The following PCDH15 variants were observed in gnomAD, a reference collection of about 807,000 sequenced individuals.
The protein encoded by PCDH15 is protocadherin-15.
Under a neutral mutation model 178.5 loss-of-function variants are expected in PCDH15, and 129 were observed. That is an observed-to-expected ratio of 0.72 (90% CI 0.63 to 0.84). The LOEUF (loss-of-function observed/expected upper bound fraction) is 0.84. PCDH15 is among the 40% of genes least tolerant of loss of function. The pLI is 0.00. For synonymous variants in PCDH15, 800 were observed against 732.0 expected (o/e 1.09, Z -1.50); for missense variants, 2,230 against 2,099.9 (o/e 1.06, Z -1.21).
chr10:53,805,189 G>A lies in PCDH15; in HGVS notation c.*1390C>T, dbSNP rs1012429195. On this transcript the variant is annotated 3_prime_UTR_variant, in exon 38 of 38. Coordinates refer to ENST00000644397, the MANE Select transcript of PCDH15 (RefSeq NM_001384140.1). ...GGAATAAATAATAGTGCATTATTCA[G>A]TCCTTCAACCATATATTAAGCATGC... 3 of 151,942 alleles carry A rather than the reference G, an allele frequency of 2.0e-5. No homozygotes were observed. Among genetic ancestry groups the A allele is most frequent in the African/African-American group, 7.2e-5 (3 of 41,412 alleles). The allele number at this position is 151,942 out of a possible 1,614,324, so 9.4% of individuals were successfully genotyped here.
intron 2 of PCDH15, among the ~76,000 whole-genome samples, chr10:54,970,748 G>A (rs889040859): frequency 6.6e-6 from 1 of 152,060 alleles, no homozygotes. Flanking sequence ...CACTACCTTT[G>A]CTACCTGCCT....
At chr10:54,441,082 C>T (rs2075764903) in intron 3 of PCDH15, among the ~76,000 whole-genome samples, 1 of 151,880 alleles carries the variant, frequency 6.6e-6, no homozygotes, top group South Asian at 2.1e-4. Flanking sequence ...TTGCACAATA[C>T]ACAATCGCCT....
At chr10:54,838,279 G>C (rs1240390435) in intron 3 of PCDH15, among the ~76,000 whole-genome samples, 1 of 152,074 alleles carries the variant, frequency 6.6e-6, no homozygotes, top group African/African-American at 2.4e-5. Context: ...AGACTAGATG[G>C]AGATAATTGA....
At chr10:54,548,933 ATAGT>A (rs2086202852) in intron 2 of PCDH15, among the ~76,000 whole-genome samples, 1 of 148,032 alleles carries the variant, frequency 6.8e-6, no homozygotes, top group African/African-American at 2.4e-5. Flanking sequence ...GTCGCTATGT[ATAGT>A]TAATGTTTTT....
intron 3 of PCDH15, among the ~76,000 whole-genome samples, chr10:54,454,703 C>G (rs1183338769): frequency 6.6e-6 from 1 of 152,070 alleles, no homozygotes; most frequent in Non-Finnish European, 1.5e-5. Flanking sequence ...AAAAGAAACC[C>G]AGACACACAT....
intron 1 of PCDH15, among the ~76,000 whole-genome samples, chr10:55,175,647 CAG>C (rs1385042708): frequency 1.9e-5 from 2 of 105,484 alleles, no homozygotes; most frequent in Non-Finnish European, 3.6e-5. Context: ...GCCTGGGCAA[CAG>C]AGAGACTCTG....
chr10:54,481,830 A>G (rs1378888575), intron 3 of PCDH15, among the ~76,000 whole-genome samples: 1 of 151,802 alleles, frequency 6.6e-6, no homozygotes, highest in Non-Finnish European at 1.5e-5. Flanking sequence ...TAATTTTTAT[A>G]CAAGCTTTGG....
chr10:55,132,689 C>T (rs982842551), intron 2 of PCDH15, among the ~76,000 whole-genome samples: 1 of 152,110 alleles, frequency 6.6e-6, no homozygotes, highest in Non-Finnish European at 1.5e-5. Context: ...TAGTTTAATA[C>T]ATTTATATAT....
intron 2 of PCDH15, among the ~76,000 whole-genome samples, chr10:55,612,859 T>C (rs551080399): frequency 2.0e-5 from 3 of 152,202 alleles, no homozygotes; most frequent in African/African-American, 7.2e-5. Context: ...GGTTCCCACA[T>C]CATTTCATAA....
intron 13 of PCDH15, among the ~76,000 whole-genome samples, chr10:54,158,360 A>C (rs1234367357): frequency 6.6e-6 from 1 of 152,184 alleles, no homozygotes; most frequent in African/African-American, 2.4e-5. Flanking sequence ...TTTTAAAGCT[A>C]TCAGATTGTG....
chr10:54,066,006 G>T (rs1253444823), intron 18 of PCDH15, among the ~76,000 whole-genome samples: 1 of 152,124 alleles, frequency 6.6e-6, no homozygotes, highest in Non-Finnish European at 1.5e-5. Context: ...TGAACTCTGG[G>T]TTTGGAACAT....
intron 2 of PCDH15, among the ~76,000 whole-genome samples, chr10:55,080,486 G>A: frequency 6.6e-6 from 1 of 152,144 alleles, no homozygotes; most frequent in East Asian, 1.9e-4. Context: ...CTGCACTGGA[G>A]TACAGAGGTC....
intron 1 of PCDH15, among the ~76,000 whole-genome samples, chr10:55,259,996 A>C (rs548363366): frequency 3.1e-4 from 47 of 151,664 alleles, no homozygotes; most frequent in African/African-American, 1.1e-3. Flanking sequence ...GGATATAAGA[A>C]ATCAGATTTT....
chr10:54,169,489 TC>T, intron 13 of PCDH15, among the ~76,000 whole-genome samples: 1 of 141,514 alleles, frequency 7.1e-6, no homozygotes, highest in Non-Finnish European at 1.6e-5. Context: ...TTTTTAGTTA[TC>T]CCCACCTGCC....
intron 34 of PCDH15, among the ~76,000 whole-genome samples, chr10:53,817,385 A>G (rs2076097200): frequency 6.6e-6 from 1 of 152,164 alleles, no homozygotes; most frequent in Admixed American, 6.5e-5. Context: ...GAGCTTTCTA[A>G]CATTCTGATT....
chr10:54,972,162 T>C (rs1838950279), intron 2 of PCDH15, among the ~76,000 whole-genome samples: 1 of 152,202 alleles, frequency 6.6e-6, no homozygotes, highest in Admixed American at 6.5e-5. Context: ...ATACACCAAA[T>C]TATAAACTTT....
At chr10:54,322,076 TAAA>T (rs2061644576) in intron 7 of PCDH15, among the ~76,000 whole-genome samples, 2 of 151,886 alleles carry the variant, frequency 1.3e-5, no homozygotes, top group South Asian at 4.1e-4. Flanking sequence ...GCAATTGAGA[TAAA>T]AATCAAAACA....
chr10:54,172,797 G>A (rs1264519889), intron 13 of PCDH15, among the ~76,000 whole-genome samples: 1 of 151,870 alleles, frequency 6.6e-6, no homozygotes, highest in Non-Finnish European at 1.5e-5. Flanking sequence ...CAAATAAGCA[G>A]AAGCTTCATA....
intron 17 of PCDH15, among the ~76,000 whole-genome samples, chr10:54,073,773 G>A (rs2094290127): frequency 6.6e-6 from 1 of 152,058 alleles, no homozygotes; most frequent in South Asian, 2.1e-4. Context: ...GAAATATCTA[G>A]GCTACAGAAT....
Sources: gnomAD v4.1 joint callset for allele counts (sites outside exome capture counted in the v4.1 genomes callset) on GRCh38, gnomAD v4.1.1 for gene constraint, MANE v1.5 for transcripts, NCBI Gene and HGNC (gene_info 2026-07-23, HGNC 2026-07-21) for gene names.